TEP1: variants seen among roughly 807,000 people sequenced by gnomAD.
TEP1 encodes telomerase associated protein 1.
In TEP1, 241 loss-of-function variants were observed where a neutral mutation model predicts 306.3. The ratio of observed to expected loss-of-function variants is 0.79; its 90% CI spans 0.71 to 0.88. TEP1 has a LOEUF of 0.88. Ranked by LOEUF, TEP1 falls within the 40% of genes least tolerant of loss-of-function variation. The probability of loss-of-function intolerance (pLI) is 0.00; values close to 1 mark genes in which losing one functional copy is unlikely to be tolerated. For missense variants in TEP1, 3,051 were observed against 3,276.1 expected (o/e 0.93, Z 1.68); for synonymous variants, 1,289 against 1,305.5 (o/e 0.99, Z 0.27).
At chr14:20,383,991 C>A in intron 24 of TEP1, 47 bp downstream of exon 24, 1 of 1,585,056 alleles carries the variant, frequency 6.3e-7, no homozygotes, top group South Asian at 1.2e-5. Context: ...CCTCCTTAGC[C>A]CACACAGCCT....
chr14:20,412,641 C>T (rs1441907154), intron 1 of TEP1, among the ~76,000 whole-genome samples: 2 of 150,674 alleles, frequency 1.3e-5, no homozygotes, highest in African/African-American at 4.9e-5. Flanking sequence ...TCTCAGAGAC[C>T]TTGCCCTGTT....
chr14:20,386,665 C>T, intron 18 of TEP1, 42 bp from the exon 19 acceptor site: 1 of 1,519,930 alleles, frequency 6.6e-7, no homozygotes, highest in Non-Finnish European at 8.8e-7. Flanking sequence ...AGGGATGATT[C>T]CCACCCCCCA....
chr14:20,405,420 C>T (rs1325895342), intron 4 of TEP1, 31 bp downstream of exon 4: 1 of 1,611,220 alleles, frequency 6.2e-7, no homozygotes, highest in Non-Finnish European at 8.5e-7. Context: ...ACCAGCTTCA[C>T]ACCCCCATCC....
rs1216210509 is a variant in TEP1 at position 20,382,316 on chromosome 14, A to T, written c.4181T>A (p.Leu1394Gln). The T allele has an allele frequency of 6.2e-7, 1 of 1,613,566 alleles. No homozygotes were observed. Among genetic ancestry groups the T allele is most frequent in the African/African-American group, 1.3e-5 (1 of 74,896 alleles). ...TGTGCTCAGGATGTGCTGCAGCAGC[A>T]GGGGGACAGTGGCAGGCAGGGTCCG... ...RLRTLPATVPLLLQHILSTLE... is the reference protein window; with the variant it reads ...RLRTLPATVPQLLQHILSTLE... The change falls in exon 29 of 55, where the codon CTG becomes CAG. Residue 1394 changes from leucine to glutamine, a missense_variant. By Grantham distance (113) the Leu-to-Gln change is moderately radical. Around this residue, in one of 3 missense-constraint regions of TEP1, gnomAD observed 1,540 missense variants for 1,705.9 expected, o/e 0.90. Coordinates refer to ENST00000262715, the MANE Select transcript of TEP1 (RefSeq NM_007110.5).
chr14:20,377,535 G>C lies in TEP1; in HGVS notation c.5876-43C>G, dbSNP rs201794310. 1,174 of 1,612,484 alleles carry C rather than the reference G, an allele frequency of 7.3e-4. 9 individuals are homozygous for C. In the African/African-American group the frequency reaches 0.014, roughly 19 times the overall value. On this transcript the variant is annotated intron_variant, in intron 40 of 54. Coordinates refer to ENST00000262715, the MANE Select transcript of TEP1 (RefSeq NM_007110.5). ...ACAAGGGAGTAAGACACTTGGGAAG[G>C]GGTAGGGGGCAGGGGCTGCGCTCTT... is the stretch of plus-strand genomic sequence containing the variant.
chr14:20,381,260 A>G lies in TEP1; in HGVS notation c.4647+53T>C. On this transcript the variant is annotated intron_variant, in intron 32 of 54. Transcript: ENST00000262715. The surrounding 1 kb of genome is among the most constrained non-coding windows in gnomAD (Gnocchi z 4.0). ...ATGGTAACGGGGAGAGGGGTCTCAG[A>G]GCAACCAAAGCACTCACTTTGGGAA... 5.1e-6 allele frequency: 8 copies of G among 1,565,812 alleles called. No individual in the cohort carries two copies. The highest frequency in any genetic ancestry group is 7.0e-6 in the Non-Finnish European group (8 of 1,136,064).
rs138588448 is a variant in TEP1 at position 20,397,458 on chromosome 14, G to A, written c.1550-728C>T. Among the ~76,000 whole-genome samples the A allele has an allele frequency of 2.4e-3, 361 of 152,004 alleles. 1 individual carries two copies. Among genetic ancestry groups the A allele is most frequent in the African/African-American group, 8.3e-3 (344 of 41,468 alleles). ...CAAAATGCGAAGGTTGCAGTGAACC[G>A]AGATCACGCCACTGCACTGCAGCCT... On this transcript the variant is annotated intron_variant, in intron 9 of 54. Transcript: ENST00000262715.
At chr14:20,377,206 G>C in intron 41 of TEP1, 74 bp downstream of exon 41, 1 of 1,250,866 alleles carries the variant, frequency 8.0e-7, no homozygotes, top group Non-Finnish European at 1.1e-6. Context: ...CAAGAGTGAA[G>C]CTCTGTCTTA....
At chr14:20,382,923 C>T (rs1472472064) in intron 27 of TEP1, among the ~76,000 whole-genome samples, 5 of 152,220 alleles carry the variant, frequency 3.3e-5, no homozygotes, top group African/African-American at 1.2e-4. Flanking sequence ...GTGGCTCGGC[C>T]TACCCCACCA....
chr14:20,393,971 C>T (rs926343854), intron 12 of TEP1, among the ~76,000 whole-genome samples: 1 of 152,016 alleles, frequency 6.6e-6, no homozygotes, highest in Non-Finnish European at 1.5e-5. Flanking sequence ...CCTATAATCC[C>T]AGCTACTTGG....
chr14:20,380,503 G>T (rs1885469778), intron 33 of TEP1, 28 bp from the exon 34 acceptor site: 1 of 1,595,146 alleles, frequency 6.3e-7, no homozygotes, highest in Non-Finnish European at 8.5e-7. Flanking sequence ...AATGTCACTG[G>T]GGAGCCAGCT....
rs144321430 is a variant in TEP1 at position 20,382,667 on chromosome 14, G to A, written c.4096C>T (p.Arg1366Cys). ...AGCCTCAGGTGATCGGTGACCAAGC[G>A]CAGGTAGAGCGGCCGGCCTGATTCC... ...KRESGRPLYL[R>C]LVTDHLRLFT... Residue 1366 changes from arginine (R) to cysteine (C), a missense_variant, in exon 28 of 55, where the codon CGC becomes TGC. Transcript: ENST00000262715. The A allele has an allele frequency of 1.4e-5, 23 of 1,614,064 alleles. No homozygotes were observed. In the Admixed American group the frequency reaches 1.7e-4, roughly 12 times the overall value.
chr14:20,371,373 A>G, intron 50 of TEP1, 59 bp from the exon 51 acceptor site: 2 of 1,582,002 alleles, frequency 1.3e-6, no homozygotes, highest in Admixed American at 3.3e-5. Context: ...AAAGAGAAGA[A>G]CACCTCTCTT....
rs759873622 is a variant in TEP1, at chr14:20,376,120, G to T, written c.6233C>A (p.Thr2078Asn). The T allele has an allele frequency of 6.2e-7, 1 of 1,613,928 alleles. No homozygotes were observed. Among genetic ancestry groups the T allele is most frequent in the African/African-American group, 1.3e-5 (1 of 74,920 alleles). ...GCAGCTCACCCGATCCCGGCCCCCGGTGGCCAGGCTGCCTCCATCAGTGCT... is the reference window on the plus strand; with the variant it reads ...GCAGCTCACCCGATCCCGGCCCCCGTTGGCCAGGCTGCCTCCATCAGTGCT... Reference protein sequence around the residue: ...SFSTDGGSLATGGRDRSLLCW... With the variant: ...SFSTDGGSLANGGRDRSLLCW... The change falls in exon 42 of 55, where the codon ACC becomes AAC. Residue 2078 changes from threonine to asparagine, a missense_variant. Physicochemically the swap from Thr to Asn is moderately conservative, Grantham distance 65. Around this residue, in one of 3 missense-constraint regions of TEP1, gnomAD observed 1,540 missense variants for 1,705.9 expected, o/e 0.90. Coordinates refer to ENST00000262715, the MANE Select transcript of TEP1 (RefSeq NM_007110.5).
At chr14:20,389,405 G>A (rs1877506902) in intron 16 of TEP1, 108 bp from the exon 17 acceptor site, 1 of 1,460,294 alleles carries the variant, frequency 6.8e-7, no homozygotes, top group Non-Finnish European at 9.6e-7. Flanking sequence ...CTTTAATAGG[G>A]TTATGTGGTA....
At position 20,403,861 on chromosome 14, in the gene TEP1, A is replaced by G; in HGVS notation, c.1056T>C (p.Asn352=). Residue 352 remains asparagine, a synonymous_variant, in exon 6 of 55, where the codon AAT becomes AAC. Transcript: ENST00000262715. ...GACAGGCGGGCAGGGGCACCAGCTT[A>G]TTCTTATCTCCCTCAGCCAGGCTCT... The part of the protein sequence containing the change: ...LYQSLAEGDK[N]KLVPLPACLR... 1 of 1,614,096 alleles carries G rather than the reference A, an allele frequency of 6.2e-7. No individual in the cohort carries two copies.
Position 20,406,317 on chromosome 14 carries a change from C to T in TEP1, c.651G>A (p.Glu217=). Reference sequence around the variant, plus strand: ...TGAGCTTCACGGCCAGATCCTCCACCTCCTCCTCCTCTCCCAAGCTCAGAC... The same window carrying T: ...TGAGCTTCACGGCCAGATCCTCCACTTCCTCCTCCTCTCCCAAGCTCAGAC... ...SYSLSLGEEE[E]VEDLAVKLTS... The change falls in exon 3 of 55, where the codon GAG becomes GAA. Residue 217 remains glutamate, a synonymous_variant. Transcript: ENST00000262715. 6.2e-7 allele frequency: 1 copy of T among 1,613,598 alleles called. No homozygotes were observed. Among genetic ancestry groups the T allele is most frequent in the Non-Finnish European group, 8.5e-7 (1 of 1,179,626 alleles).
At chr14:20,395,675 C>A in intron 11 of TEP1, 48 bp from the exon 12 acceptor site, 1 of 1,568,604 alleles carries the variant, frequency 6.4e-7, no homozygotes, top group Non-Finnish European at 8.7e-7. Context: ...TCTATTCCCT[C>A]ATCTTTTCCT....
rs185616022 is a variant in TEP1 at position 20,374,528 on chromosome 14, G to A, written c.6372C>T (p.Cys2124=). The A allele has an allele frequency of 9.9e-6, 16 of 1,612,144 alleles. No individual in the cohort carries two copies. The African/African-American group carries it at 1.7e-4, about 17-fold the overall frequency. Residue 2124 remains cysteine, a synonymous_variant, in exon 44 of 55, where the codon TGC becomes TGT. Transcript: ENST00000262715. ...AWTKDNLLIS[C]SSDGSVGLWD... ...AGAGCCCCACAGAGCCATCACTGGA[G>A]CAGGATATCTACAGAGTCAGAAGTC... is the stretch of plus-strand genomic sequence containing the variant.
Sources: allele counts gnomAD v4.1 joint callset (sites outside exome capture counted in the v4.1 genomes callset), GRCh38; gene constraint gnomAD v4.1.1; regional missense constraint gnomAD v4.1.1; non-coding constraint Gnocchi (gnomAD v3.1); transcripts MANE v1.5; gene names NCBI Gene and HGNC (gene_info 2026-07-23, HGNC 2026-07-21).